ADAMTSL1: variants seen among roughly 807,000 people sequenced by gnomAD.
ADAMTSL1 encodes ADAMTS like 1.
Under a neutral mutation model 201.8 loss-of-function variants are expected in ADAMTSL1, and 126 were observed. The observed-to-expected ratio is 0.62, with a 90% CI of 0.54 to 0.72. The LOEUF is 0.72. Ranked by LOEUF, ADAMTSL1 falls within the 30% of genes least tolerant of loss-of-function variation. ADAMTSL1 has a pLI of 0.00. For synonymous variants in ADAMTSL1, 1,121 were observed against 903.4 expected (o/e 1.24, Z -4.32); for missense variants, 2,679 against 2,277.8 (o/e 1.18, Z -3.59).
intron 15 of ADAMTSL1, among the ~76,000 whole-genome samples, chr9:18,738,286 T>A (rs1818633543): frequency 6.6e-6 from 1 of 152,164 alleles, no homozygotes; most frequent in Non-Finnish European, 1.5e-5. Context: ...GAATTGAGTA[T>A]GATAATGCAG....
intron 15 of ADAMTSL1, among the ~76,000 whole-genome samples, chr9:18,740,073 C>T (rs1386229948): frequency 6.6e-6 from 1 of 152,142 alleles, no homozygotes; most frequent in Non-Finnish European, 1.5e-5. Context: ...CATTCCTCTG[C>T]CAAGCCAGGC....
chr9:17,938,439 C>A (rs1409465746), intron 1 of ADAMTSL1, among the ~76,000 whole-genome samples: 2 of 152,160 alleles, frequency 1.3e-5, no homozygotes, highest in African/African-American at 4.8e-5. Context: ...GGCATCTTTA[C>A]TGTCCATCCT....
At chr9:18,677,177 T>TA (rs1196299127) in intron 10 of ADAMTSL1, among the ~76,000 whole-genome samples, 1 of 151,910 alleles carries the variant, frequency 6.6e-6, no homozygotes, top group Non-Finnish European at 1.5e-5. Flanking sequence ...GAATTTGACT[T>TA]ATACTAGATA....
intron 2 of ADAMTSL1, among the ~76,000 whole-genome samples, chr9:18,351,528 G>A (rs560351464): frequency 6.6e-6 from 1 of 152,146 alleles, no homozygotes; most frequent in African/African-American, 2.4e-5. Flanking sequence ...ATTTCCCAAG[G>A]AGGGTCGAGA....
chr9:18,124,146 C>T (rs537994544), intron 1 of ADAMTSL1, among the ~76,000 whole-genome samples: 9 of 140,054 alleles, frequency 6.4e-5, no homozygotes, highest in East Asian at 2.1e-4. Flanking sequence ...GCAGTGGCTC[C>T]GTCTCAGCTC....
intron 24 of ADAMTSL1, among the ~76,000 whole-genome samples, chr9:18,888,706 C>G (rs974115383): frequency 1.3e-5 from 2 of 152,044 alleles, no homozygotes; most frequent in Non-Finnish European, 2.9e-5. Context: ...TAGGCTTGTT[C>G]GACCTGTGGC....
intron 16 of ADAMTSL1, among the ~76,000 whole-genome samples, chr9:18,766,227 A>C (rs1187734669): frequency 1.3e-5 from 2 of 152,198 alleles, no homozygotes; most frequent in African/African-American, 4.8e-5. Context: ...TAAAGTTGGA[A>C]GGATTTAAGC....
chr9:18,633,577 A>G (rs1290176794), intron 5 of ADAMTSL1, among the ~76,000 whole-genome samples: 1 of 151,834 alleles, frequency 6.6e-6, no homozygotes, highest in Non-Finnish European at 1.5e-5. Context: ...CCTGGGTAAC[A>G]AAGTGAGACT....
chr9:18,623,154 C>T (rs535138841), intron 5 of ADAMTSL1, among the ~76,000 whole-genome samples: 1 of 152,220 alleles, frequency 6.6e-6, no homozygotes, highest in South Asian at 2.1e-4. Flanking sequence ...CCTCAGCCCC[C>T]CAAAGTGAGG....
chr9:18,540,984 A>G (rs553998052), intron 3 of ADAMTSL1, among the ~76,000 whole-genome samples: 76 of 152,252 alleles, frequency 5.0e-4, no homozygotes, highest in South Asian at 4.4e-3. Flanking sequence ...AGACCCATCC[A>G]TGCTTCAATC....
chr9:18,278,621 C>T (rs975976756), intron 2 of ADAMTSL1, among the ~76,000 whole-genome samples: 5 of 152,112 alleles, frequency 3.3e-5, no homozygotes, highest in Non-Finnish European at 5.9e-5. Flanking sequence ...TAATTATACT[C>T]TGTTTCAGGG....
chr9:18,184,018 T>C (rs1184735985), intron 2 of ADAMTSL1, among the ~76,000 whole-genome samples: 1 of 152,258 alleles, frequency 6.6e-6, no homozygotes, highest in Non-Finnish European at 1.5e-5. Flanking sequence ...CCTGTTGTCT[T>C]ATTTCCCAGT....
At chr9:17,986,800 G>A (rs1818945845) in intron 1 of ADAMTSL1, among the ~76,000 whole-genome samples, 1 of 152,054 alleles carries the variant, frequency 6.6e-6, no homozygotes, top group Non-Finnish European at 1.5e-5. Context: ...TATTACAGAT[G>A]TCTGGAGTTG....
chr9:18,825,378 G>T (rs1278760844), intron 21 of ADAMTSL1, among the ~76,000 whole-genome samples: 1 of 152,160 alleles, frequency 6.6e-6, no homozygotes, highest in African/African-American at 2.4e-5. Flanking sequence ...TTGGATTGTG[G>T]AAAGAGTTGA....
intron 23 of ADAMTSL1, among the ~76,000 whole-genome samples, chr9:18,852,073 G>A (rs1424070407): frequency 6.6e-6 from 1 of 152,148 alleles, no homozygotes; most frequent in Non-Finnish European, 1.5e-5. Context: ...GCTCGTGTCT[G>A]CCTAACTACC....
At chr9:18,261,012 CTTTTTT>C (rs3085417) in intron 2 of ADAMTSL1, among the ~76,000 whole-genome samples, 2 of 104,232 alleles carry the variant, frequency 1.9e-5, no homozygotes, top group Non-Finnish European at 3.7e-5. Flanking sequence ...TTTCCTTTTT[CTTTTTT>C]TTTTTTTTTT....
intron 4 of ADAMTSL1, among the ~76,000 whole-genome samples, chr9:18,598,417 C>T (rs925209707): frequency 3.3e-5 from 5 of 151,938 alleles, no homozygotes; most frequent in African/African-American, 9.7e-5. Context: ...TTTTTAAGAA[C>T]CTTTAAACAA....
chr9:18,531,392 A>G (rs1819434471), intron 2 of ADAMTSL1, among the ~76,000 whole-genome samples: 1 of 152,230 alleles, frequency 6.6e-6, no homozygotes, highest in African/African-American at 2.4e-5. Context: ...TCAATGGGAC[A>G]TGCAGGACTT....
intron 2 of ADAMTSL1, among the ~76,000 whole-genome samples, chr9:18,463,741 A>T (rs2131720069): frequency 6.6e-6 from 1 of 152,268 alleles, no homozygotes; most frequent in East Asian, 1.9e-4. Flanking sequence ...CATTTTGTTG[A>T]TCTGTTCATT....
Sources: allele counts gnomAD v4.1 joint callset (sites outside exome capture counted in the v4.1 genomes callset), GRCh38; gene constraint gnomAD v4.1.1; transcripts MANE v1.5; gene names NCBI Gene and HGNC (gene_info 2026-07-23, HGNC 2026-07-21).